Variants in EFR3B observed in about 807,000 individuals in gnomAD.
EFR3B encodes the protein EFR3 homolog B.
EFR3B carries 64 observed loss-of-function variants against 104.7 expected under a neutral mutation model. The ratio of observed to expected loss-of-function variants is 0.61; its 90% CI spans 0.50 to 0.75. EFR3B has a LOEUF of 0.75. Ranked by LOEUF, EFR3B falls within the 30% of genes least tolerant of loss-of-function variation. EFR3B has a pLI of 0.00. For synonymous variants in EFR3B, 385 were observed against 417.9 expected (o/e 0.92, Z 0.96); for missense variants, 750 against 1,078.5 (o/e 0.70, Z 4.27).
rs1669805629 is a variant in EFR3B at position 25,114,423 on chromosome 2, G to C, written c.364-7250G>C. Among the ~76,000 whole-genome samples the C allele has an allele frequency of 6.6e-6, 1 of 152,156 alleles. No individual in the cohort carries two copies. Among genetic ancestry groups the C allele is most frequent in the African/African-American group, 2.4e-5 (1 of 41,422 alleles). On this transcript the variant is annotated intron_variant, in intron 4 of 22. Transcript: ENST00000403714. This position sits in a 1 kb window ranked among gnomAD's most constrained non-coding sequence, Gnocchi z 4.0. ...GGCTCGAGATCCTGGTACCAAAAAG[G>C]TGCTTATTTTATTAGATAGCCCTGT... is the stretch of plus-strand genomic sequence containing the variant.
chr2:25,054,586 G>A (rs1225457074), intron 1 of EFR3B, among the ~76,000 whole-genome samples: 1 of 152,128 alleles, frequency 6.6e-6, no homozygotes, highest in Non-Finnish European at 1.5e-5. Context: ...GGGATTACAG[G>A]CATGAGCTAC....
intron 2 of EFR3B, among the ~76,000 whole-genome samples, chr2:25,091,869 C>T (rs1229909082): frequency 6.6e-6 from 1 of 152,102 alleles, no homozygotes; most frequent in Non-Finnish European, 1.5e-5. Context: ...AGGGCCTGGC[C>T]TCCAAGCCGC....
intron 1 of EFR3B, among the ~76,000 whole-genome samples, chr2:25,046,522 T>TTTTTTTTTTTTTTTTTTTTAG: frequency 8.2e-6 from 1 of 122,300 alleles, no homozygotes; most frequent in African/African-American, 2.7e-5. Flanking sequence ...TTTTTTTTTT[T>TTTTTTTTTTTTTTTTTTTTAG]GAGACGGAGT....
chr2:25,086,068 T>C (rs1189176396), intron 1 of EFR3B, among the ~76,000 whole-genome samples: 2 of 152,150 alleles, frequency 1.3e-5, no homozygotes, highest in Admixed American at 6.5e-5. Flanking sequence ...AATATACATT[T>C]AAGTTTCCTC....
chr2:25,062,187 C>T (rs1043826544), intron 1 of EFR3B, among the ~76,000 whole-genome samples: 10 of 152,114 alleles, frequency 6.6e-5, no homozygotes, highest in Non-Finnish European at 1.3e-4. Flanking sequence ...TCACCAGAGG[C>T]CTTGTGGATA....
chr2:25,135,712 C>T (rs1360052601), intron 13 of EFR3B, 73 bp downstream of exon 13: 1 of 1,500,140 alleles, frequency 6.7e-7, no homozygotes, highest in East Asian at 2.5e-5. Flanking sequence ...ATCCTTTGGT[C>T]CTGTCCTCAC....
intron 22 of EFR3B, 99 bp downstream of exon 22, chr2:25,153,860 C>A: frequency 8.2e-7 from 1 of 1,224,900 alleles, no homozygotes; most frequent in Non-Finnish European, 1.2e-6. Context: ...TTCTCTCCTC[C>A]CCACCTCCTT....
chr2:25,049,547 T>G (rs1667809089), intron 1 of EFR3B, among the ~76,000 whole-genome samples: 1 of 152,176 alleles, frequency 6.6e-6, no homozygotes. Context: ...AGTTGCACTG[T>G]TTTGCACGGT....
chr2:25,092,698 G>A (rs1164789588), intron 2 of EFR3B, among the ~76,000 whole-genome samples: 1 of 151,938 alleles, frequency 6.6e-6, no homozygotes, highest in Non-Finnish European at 1.5e-5. Flanking sequence ...ACAGGCACTC[G>A]CCACCATGCC....
At chr2:25,103,933 C>A in intron 4 of EFR3B, 146 bp downstream of exon 4, 1 of 892,638 alleles carries the variant, frequency 1.1e-6, no homozygotes, top group Non-Finnish European at 1.6e-6. Context: ...GTTTTAGGGT[C>A]TCCCTTTGTG....
chr2:25,083,937 G>A (rs914098061), intron 1 of EFR3B, among the ~76,000 whole-genome samples: 2 of 152,164 alleles, frequency 1.3e-5, no homozygotes, highest in African/African-American at 4.8e-5. Flanking sequence ...CACTGACCTA[G>A]TGGTTCTCTT....
rs1380696863 is a variant in EFR3B at position 25,158,193 on chromosome 2, CAG to C, written c.*3858_*3859del. On this transcript the variant is annotated 3_prime_UTR_variant, in exon 23 of 23. Transcript: ENST00000403714. ...GTCCCCAGGCCTCCTGACCTGGTGA[CAG>C]AGAGTGCCCTGCAGAAGTGAGTCTA... The C allele has an allele frequency of 6.6e-5, 10 of 152,428 alleles. No individual in the cohort carries two copies. The highest frequency in any genetic ancestry group is 6.5e-4 in the Admixed American group (10 of 15,306). The allele number at this position is 152,428 out of a possible 1,614,324, so 9.4% of individuals were successfully genotyped here.
At chr2:25,147,341 AGCATAGCTCTCTCTT>A (rs1670846981) in intron 19 of EFR3B, 2 of 152,236 alleles carry the variant, frequency 1.3e-5, no homozygotes, top group African/African-American at 4.8e-5. Context: ...GTTAAAGCCG[AGCATAGCTCTCTCTT>A]GCATGTAATT....
At position 25,131,888 on chromosome 2, in the gene EFR3B, A is replaced by G; in HGVS notation, c.1124A>G (p.Gln375Arg). ...IIKEHEERMF[Q>R]EAVIKTVGSF... ...AAGGAGCACGAGGAGCGCATGTTCC[A>G]GGAGGCCGTCATCAAGACCGTGGGT... Residue 375 changes from glutamine (Q) to arginine (R), a missense_variant, in exon 10 of 23, where the codon CAG (glutamine) becomes CGG (arginine). Transcript: ENST00000403714. This position sits in a 1 kb window ranked among gnomAD's most constrained non-coding sequence, Gnocchi z 7.6. 6.7e-7 allele frequency: 1 copy of G among 1,498,256 alleles called. No individual in the cohort carries two copies. Among genetic ancestry groups the G allele is most frequent in the Non-Finnish European group, 9.0e-7 (1 of 1,114,844 alleles). 92.8% of individuals were successfully genotyped at this position (1,498,256 alleles called of 1,614,324 possible).
At chr2:25,046,115 G>A (rs888485004) in intron 1 of EFR3B, among the ~76,000 whole-genome samples, 2 of 152,206 alleles carry the variant, frequency 1.3e-5, no homozygotes, top group African/African-American at 4.8e-5. Flanking sequence ...GCTGGGCACA[G>A]TGGCTCACGC....
intron 19 of EFR3B, among the ~76,000 whole-genome samples, chr2:25,148,331 G>A (rs1670886964): frequency 6.6e-6 from 1 of 150,920 alleles, no homozygotes; most frequent in Admixed American, 6.6e-5. Context: ...TTGGCTCACT[G>A]CAATCTCCAC....
rs563615021 is a variant in EFR3B at position 25,051,721 on chromosome 2, C to T, written c.7+9402C>T. 1.0e-3 allele frequency among the ~76,000 whole-genome samples: 151 copies of T among 149,018 alleles called. 1 individual carries two copies. Among genetic ancestry groups the T allele is most frequent in the African/African-American group, 3.4e-3 (140 of 40,780 alleles). Reference sequence around the variant, plus strand: ...CGCAATCTCAGCTCACTGCAACCTCCGCTTCCCGGGTTCAAGTGATTCTCC... The same window carrying T: ...CGCAATCTCAGCTCACTGCAACCTCTGCTTCCCGGGTTCAAGTGATTCTCC... On this transcript the variant is annotated intron_variant, in intron 1 of 22. Transcript: ENST00000403714.
chr2:25,052,818 T>G (rs955917326), intron 1 of EFR3B, among the ~76,000 whole-genome samples: 7 of 152,200 alleles, frequency 4.6e-5, no homozygotes, highest in Admixed American at 2.6e-4. Context: ...CAGGCAGAAT[T>G]CTAAGCACTT....
chr2:25,080,376 C>A (rs1004298088), intron 1 of EFR3B: 11 of 533,860 alleles, frequency 2.1e-5, no homozygotes, highest in African/African-American at 4.3e-5. Flanking sequence ...CTCACTGCAA[C>A]CTCCGCCTCC....
Sources: gnomAD v4.1 joint callset for allele counts (sites outside exome capture counted in the v4.1 genomes callset) on GRCh38, gnomAD v4.1.1 for gene constraint, Gnocchi (gnomAD v3.1) non-coding constraint, MANE v1.5 for transcripts, NCBI Gene and HGNC (gene_info 2026-07-23, HGNC 2026-07-21) for gene names.